Variants in PLCB1 observed in about 807,000 individuals in gnomAD.
PLCB1 encodes the protein 1-phosphatidylinositol 4,5-bisphosphate phosphodiesterase beta-1.
In PLCB1, 46 loss-of-function variants were observed where a neutral mutation model predicts 161.8. That is an observed-to-expected ratio of 0.28 (90% CI 0.22 to 0.36). The LOEUF (loss-of-function observed/expected upper bound fraction) is 0.36, where lower values mean the gene tolerates loss of function less well. Among genes scored for constraint, PLCB1 ranks in the 10% least tolerant of loss-of-function variants. The pLI is 1.00. For missense variants in PLCB1, 1,016 were observed against 1,472.5 expected, an observed-to-expected ratio of 0.69 and a Z score of 5.07; for synonymous variants, 517 against 503.7, an observed-to-expected ratio of 1.03 and a Z score of -0.35.
chr20:8,556,662 T>A (rs947940122), intron 3 of PLCB1, among the ~76,000 whole-genome samples: 1 of 28,026 alleles, frequency 3.6e-5, no homozygotes, highest in Non-Finnish European at 6.8e-5. Context: ...GTTGGGTGTG[T>A]GTGTGTGTGT....
intron 3 of PLCB1, among the ~76,000 whole-genome samples, chr20:8,512,964 C>T (rs187559912): frequency 3.3e-5 from 5 of 152,260 alleles, no homozygotes; most frequent in South Asian, 2.1e-4. Flanking sequence ...CCTCTCCCAA[C>T]GTCTGGTAGC....
chr20:8,726,572 A>C (rs1021506811), intron 16 of PLCB1, among the ~76,000 whole-genome samples: 1 of 152,100 alleles, frequency 6.6e-6, no homozygotes, highest in African/African-American at 2.4e-5. Flanking sequence ...GGCAAGGGAA[A>C]TGCCAGATGC....
chr20:8,619,065 A>G (rs886630742), intron 3 of PLCB1, among the ~76,000 whole-genome samples: 11 of 152,204 alleles, frequency 7.2e-5, no homozygotes, highest in Admixed American at 4.6e-4. Flanking sequence ...ATTTACTTCA[A>G]ACTCCTTCAG....
chr20:8,349,470 A>G (rs1450400564), intron 2 of PLCB1, among the ~76,000 whole-genome samples: 1 of 152,206 alleles, frequency 6.6e-6, no homozygotes, highest in Non-Finnish European at 1.5e-5. Context: ...TTGTGCAATT[A>G]GTGTCTGAAT....
intron 2 of PLCB1, among the ~76,000 whole-genome samples, chr20:8,325,943 A>T (rs191559539): frequency 5.3e-5 from 8 of 152,258 alleles, no homozygotes; most frequent in Admixed American, 5.2e-4. Context: ...CCATTGGAAA[A>T]CTTGTTGTTT....
intron 2 of PLCB1, among the ~76,000 whole-genome samples, chr20:8,161,071 C>G (rs1186337209): frequency 6.6e-6 from 1 of 151,972 alleles, no homozygotes; most frequent in African/African-American, 2.4e-5. Flanking sequence ...CTTAGCATCA[C>G]CAACAGCAAA....
At chr20:8,505,237 C>T (rs1179540395) in intron 3 of PLCB1, among the ~76,000 whole-genome samples, 1 of 152,146 alleles carries the variant, frequency 6.6e-6, no homozygotes, top group African/African-American at 2.4e-5. Context: ...CTTTTTACCC[C>T]ACACTCTCAA....
At chr20:8,386,779 C>T (rs935559512) in intron 3 of PLCB1, among the ~76,000 whole-genome samples, 3 of 152,222 alleles carry the variant, frequency 2.0e-5, no homozygotes, top group African/African-American at 7.2e-5. Flanking sequence ...GGTGTAGCCA[C>T]CTTCATCAAT....
intron 31 of PLCB1, among the ~76,000 whole-genome samples, chr20:8,835,597 G>C (rs1192745961): frequency 6.6e-6 from 1 of 152,050 alleles, no homozygotes; most frequent in Non-Finnish European, 1.5e-5. Flanking sequence ...GAGTATTGTG[G>C]TTCGAATTCA....
At chr20:8,184,146 C>T (rs1318348663) in intron 2 of PLCB1, among the ~76,000 whole-genome samples, 1 of 152,148 alleles carries the variant, frequency 6.6e-6, no homozygotes, top group Non-Finnish European at 1.5e-5. Flanking sequence ...ACTCAGGTAT[C>T]AGCCTGTGCA....
intron 2 of PLCB1, among the ~76,000 whole-genome samples, chr20:8,326,603 T>C (rs1985164916): frequency 6.6e-6 from 1 of 152,362 alleles, no homozygotes; most frequent in Non-Finnish European, 1.5e-5. Flanking sequence ...AGTTTAACTA[T>C]TAACCCATGA....
At chr20:8,322,529 G>A (rs1210998165) in intron 2 of PLCB1, among the ~76,000 whole-genome samples, 1 of 138,064 alleles carries the variant, frequency 7.2e-6, no homozygotes. Flanking sequence ...CTTGCTGATA[G>A]TGCCCTTAAG....
chr20:8,751,458 T>C (rs1419577625), intron 23 of PLCB1: 1 of 152,240 alleles, frequency 6.6e-6, no homozygotes, highest in African/African-American at 2.4e-5. Flanking sequence ...AAATGGCTTT[T>C]CCTCCTTCTA....
chr20:8,835,509 A>G (rs767239789), intron 31 of PLCB1, among the ~76,000 whole-genome samples: 3 of 152,090 alleles, frequency 2.0e-5, no homozygotes, highest in Non-Finnish European at 2.9e-5. Context: ...ATCCAATTCT[A>G]TTATGACTTA....
At chr20:8,353,619 C>T (rs1249167096) in intron 2 of PLCB1, among the ~76,000 whole-genome samples, 4 of 151,986 alleles carry the variant, frequency 2.6e-5, no homozygotes, top group South Asian at 2.1e-4. Context: ...GTCTCTCTCC[C>T]GAAACCCACA....
At chr20:8,790,148 G>A (rs1379626066) in intron 30 of PLCB1, 27 bp from the exon 31 acceptor site, 4 of 1,521,500 alleles carry the variant, frequency 2.6e-6, no homozygotes, top group Non-Finnish European at 3.6e-6. Flanking sequence ...TTAGATGAAA[G>A]TAATGTTTCT....
chr20:8,384,679 A>T (rs1987368683), intron 3 of PLCB1, among the ~76,000 whole-genome samples: 1 of 151,978 alleles, frequency 6.6e-6, no homozygotes, highest in African/African-American at 2.4e-5. Context: ...TTGATCTTTG[A>T]GGCTGCTGAC....
intron 25 of PLCB1, among the ~76,000 whole-genome samples, chr20:8,762,794 C>T (rs375176352): frequency 3.9e-5 from 6 of 152,174 alleles, no homozygotes; most frequent in Non-Finnish European, 5.9e-5. Context: ...TGCTTAAAGA[C>T]CTTAACATTT....
intron 2 of PLCB1, among the ~76,000 whole-genome samples, chr20:8,333,518 G>A (rs1985450275): frequency 1.3e-5 from 2 of 152,136 alleles, no homozygotes; most frequent in African/African-American, 4.8e-5. Flanking sequence ...TTATCTCCAA[G>A]GAACATTTGG....
Sources: allele counts gnomAD v4.1 joint callset (sites outside exome capture counted in the v4.1 genomes callset), GRCh38; gene constraint gnomAD v4.1.1; transcripts MANE v1.5; gene names NCBI Gene and HGNC (gene_info 2026-07-23, HGNC 2026-07-21).